The following C7orf33 variants were observed in gnomAD, a reference collection of about 807,000 sequenced individuals.
C7orf33 encodes the protein chromosome 7 open reading frame 33, also known as uncharacterized protein C7orf33.
A neutral mutation model predicts 13.4 loss-of-function variants in C7orf33; 15 were observed. The ratio of observed to expected loss-of-function variants is 1.12; its 90% CI spans 0.75 to 1.72. The LOEUF (loss-of-function observed/expected upper bound fraction) is 1.72, where lower values mean the gene tolerates loss of function less well. Among genes scored for constraint, C7orf33 ranks in the 40% most tolerant of loss-of-function variants. C7orf33 has a pLI of 0.00. For missense variants in C7orf33, 187 were observed against 220.3 expected (o/e 0.85, Z 0.96); for synonymous variants, 73 against 83.2 (o/e 0.88, Z 0.67).
chr7:148,591,122 G>C lies in C7orf33; in HGVS notation c.197G>C (p.Arg66Thr), dbSNP rs541556097. ...TTTAACTTGTCATATGCCACGGGAAGACATAAGGTAAGTTAATGATTCTAA... is the reference window on the plus strand; with the variant it reads ...TTTAACTTGTCATATGCCACGGGAACACATAAGGTAAGTTAATGATTCTAA... ...GQFNLSYATG[R>T]HKKPNPHQNM... The change falls in exon 1 of 3, where the codon AGA becomes ACA. Residue 66 changes from arginine to threonine, a missense_variant. Arg to Thr is a moderately conservative substitution (Grantham distance 71). Coordinates refer to ENST00000307003, the MANE Select transcript of C7orf33 (RefSeq NM_145304.4). 1.2e-6 allele frequency: 2 copies of C among 1,613,232 alleles called. No homozygotes were observed. Among genetic ancestry groups the C allele is most frequent in the Non-Finnish European group, 1.7e-6 (2 of 1,179,510 alleles).
At chr7:148,611,392 G>A (rs1796541652) in intron 1 of C7orf33, among the ~76,000 whole-genome samples, 1 of 152,180 alleles carries the variant, frequency 6.6e-6, no homozygotes. Flanking sequence ...GAGACCAGCA[G>A]ACCAGTGACA....
chr7:148,602,497 C>T (rs913805476), intron 1 of C7orf33, among the ~76,000 whole-genome samples: 11 of 152,076 alleles, frequency 7.2e-5, no homozygotes, highest in African/African-American at 2.2e-4. Context: ...CTCGGGGAGG[C>T]TGAGACATGA....
At chr7:148,597,052 T>C (rs919393106) in intron 1 of C7orf33, among the ~76,000 whole-genome samples, 4 of 152,078 alleles carry the variant, frequency 2.6e-5, no homozygotes, top group African/African-American at 9.7e-5. Flanking sequence ...GTTTATTTTT[T>C]CATTTACCTA....
intron 1 of C7orf33, among the ~76,000 whole-genome samples, chr7:148,599,299 C>T (rs1796387381): frequency 6.6e-6 from 1 of 152,070 alleles, no homozygotes; most frequent in Non-Finnish European, 1.5e-5. Context: ...CTACCTCAAA[C>T]ATTATAGGGC....
chr7:148,613,609 G>A (rs768203830), intron 1 of C7orf33, among the ~76,000 whole-genome samples: 3 of 152,290 alleles, frequency 2.0e-5, no homozygotes, highest in Admixed American at 6.5e-5. Flanking sequence ...TGTCCAGATT[G>A]GCAAATCCAT....
intron 1 of C7orf33, among the ~76,000 whole-genome samples, chr7:148,596,191 A>C (rs1487365759): frequency 6.6e-6 from 1 of 152,206 alleles, no homozygotes; most frequent in African/African-American, 2.4e-5. Flanking sequence ...AACTGAGCAG[A>C]AAATAGAGAT....
rs555323349 is a variant in C7orf33 at position 148,591,068 on chromosome 7, G to A, written c.143G>A (p.Trp48Ter). ...CTGAGTGGGAGGGCAGTCGCTGTTT[G>A]GGTCCACGTTAGGGGCGGTCCAGGT... ...LRLSGRAVAVWVHVRGGPGQF... is the reference protein window; with the variant it reads ...LRLSGRAVAV The change falls in exon 1 of 3, where the codon TGG (tryptophan) becomes TAG (stop). Residue 48 changes from tryptophan (W) to a stop codon, truncating the protein, a stop_gained. Transcript: ENST00000307003. LOFTEE classifies it high-confidence loss of function. 1.2e-6 allele frequency: 2 copies of A among 1,614,086 alleles called. No individual in the cohort carries two copies. The highest frequency in any genetic ancestry group is 8.5e-7 in the Non-Finnish European group (1 of 1,180,018).
intron 1 of C7orf33, among the ~76,000 whole-genome samples, chr7:148,604,483 T>G (rs1012229769): frequency 1.3e-5 from 2 of 152,212 alleles, no homozygotes; most frequent in Non-Finnish European, 2.9e-5. Context: ...ACATCATATG[T>G]TCTCACTTAC....
chr7:148,615,560 G>T lies in C7orf33; in HGVS notation c.*159G>T. 1.8e-6 allele frequency: 1 copy of T among 541,918 alleles called. No homozygotes were observed. The highest frequency in any genetic ancestry group is 3.3e-6 in the Non-Finnish European group (1 of 298,922). The allele number at this position is 541,918 out of a possible 1,614,324, so 33.6% of individuals were successfully genotyped here. On this transcript the variant is annotated 3_prime_UTR_variant, in exon 3 of 3. Transcript: ENST00000307003. ...CTTTGAACACCAGCAGACAGGCTGA[G>T]AATTCTCTTTGATCATGAGCCCAAG...
chr7:148,612,974 T>G (rs1796562311), intron 1 of C7orf33, among the ~76,000 whole-genome samples: 1 of 152,150 alleles, frequency 6.6e-6, no homozygotes, highest in Non-Finnish European at 1.5e-5. Flanking sequence ...CTAAAATATT[T>G]ATCATTTTCT....
intron 1 of C7orf33, among the ~76,000 whole-genome samples, chr7:148,603,444 TG>T (rs1425099908): frequency 6.6e-6 from 1 of 152,108 alleles, no homozygotes; most frequent in East Asian, 1.9e-4. Context: ...AGGCAGAGGC[TG>T]CAATGAGCCA....
chr7:148,595,256 G>A (rs1796315246), intron 1 of C7orf33, among the ~76,000 whole-genome samples: 1 of 140,386 alleles, frequency 7.1e-6, no homozygotes, highest in Non-Finnish European at 1.5e-5. Flanking sequence ...TATATATCAT[G>A]TATAATATAG....
rs539993444 is a variant in C7orf33, at chr7:148,615,176, C to T, written c.460-151C>T. 40 of 521,564 alleles carry T rather than the reference C, an allele frequency of 7.7e-5. No individual in the cohort carries two copies. The Admixed American group carries it at 9.6e-4, about 13-fold the overall frequency. The allele number at this position is 521,564 out of a possible 1,614,324, so 32.3% of individuals were successfully genotyped here. ...CTGGTCTCAAACTCCTGGGCTCAAG[C>T]GATCCACCCACCTTGGCCTCTCAAA... On this transcript the variant is annotated intron_variant, in intron 2 of 2. Transcript: ENST00000307003.
chr7:148,603,859 C>G (rs1433500730), intron 1 of C7orf33, among the ~76,000 whole-genome samples: 1 of 152,088 alleles, frequency 6.6e-6, no homozygotes, highest in African/African-American at 2.4e-5. Flanking sequence ...AAATTCAAGA[C>G]ACTTTATAGA....
intron 1 of C7orf33, among the ~76,000 whole-genome samples, chr7:148,592,131 T>C (rs1157432188): frequency 6.6e-6 from 1 of 152,198 alleles, no homozygotes; most frequent in Non-Finnish European, 1.5e-5. Context: ...AACTGACACA[T>C]GCCACAGGCT....
At chr7:148,595,306 TA>T (rs1353123094) in intron 1 of C7orf33, among the ~76,000 whole-genome samples, 5 of 140,260 alleles carry the variant, frequency 3.6e-5, no homozygotes, top group African/African-American at 1.1e-4. Context: ...TATAGATATA[TA>T]ATATATAATA....
intron 2 of C7orf33, among the ~76,000 whole-genome samples, chr7:148,614,896 C>A (rs775675920): frequency 6.6e-6 from 1 of 152,180 alleles, no homozygotes; most frequent in Non-Finnish European, 1.5e-5. Flanking sequence ...GCCTGTATCA[C>A]TTTAAATCTT....
At chr7:148,600,199 TG>T (rs1049368168) in intron 1 of C7orf33, among the ~76,000 whole-genome samples, 2 of 152,210 alleles carry the variant, frequency 1.3e-5, no homozygotes, top group African/African-American at 4.8e-5. Flanking sequence ...CTGGGCGTAG[TG>T]GCTCACGCCT....
At chr7:148,602,676 C>A (rs1796429720) in intron 1 of C7orf33, among the ~76,000 whole-genome samples, 1 of 151,702 alleles carries the variant, frequency 6.6e-6, no homozygotes, top group South Asian at 2.1e-4. Context: ...CTGGCCAGGG[C>A]AGTAAGGCAA....
Sources: allele counts gnomAD v4.1 joint callset (sites outside exome capture counted in the v4.1 genomes callset), GRCh38; gene constraint gnomAD v4.1.1; transcripts MANE v1.5; gene names NCBI Gene and HGNC (gene_info 2026-07-23, HGNC 2026-07-21).